Variants in EPHB1 observed in about 807,000 individuals in gnomAD.
EPHB1 encodes the protein EPH receptor B1.
A neutral mutation model predicts 94.4 loss-of-function variants in EPHB1; 30 were observed. That is an observed-to-expected ratio of 0.32 (90% confidence interval 0.24 to 0.43). EPHB1 has a LOEUF of 0.43. Ranked by LOEUF, EPHB1 falls within the 20% of genes least tolerant of loss-of-function variation. EPHB1 has a pLI of 1.00. For synonymous variants in EPHB1, 522 were observed against 489.1 expected, an observed-to-expected ratio of 1.07 and a Z score of -0.89; for missense variants, 1,055 against 1,308.3, an observed-to-expected ratio of 0.81 and a Z score of 2.99.
intron 1 of EPHB1, among the ~76,000 whole-genome samples, chr3:134,905,464 C>A (rs527687625): frequency 6.6e-6 from 1 of 152,248 alleles, no homozygotes; most frequent in Admixed American, 6.5e-5. Context: ...CCAGCATTGC[C>A]AACCAGGGGG....
intron 6 of EPHB1, 164 bp downstream of exon 6, chr3:135,154,440 A>C: frequency 1.0e-6 from 1 of 982,736 alleles, no homozygotes; most frequent in Non-Finnish European, 1.4e-6. Context: ...TGCCCTGACA[A>C]AGCCTTGTTC....
At chr3:134,989,503 A>ACACG (rs1934718110) in intron 3 of EPHB1, among the ~76,000 whole-genome samples, 1 of 151,582 alleles carries the variant, frequency 6.6e-6, no homozygotes, top group African/African-American at 2.4e-5. Context: ...GCGTGCACAC[A>ACACG]CACACACACA....
At chr3:134,993,256 C>T (rs1021622612) in intron 3 of EPHB1, among the ~76,000 whole-genome samples, 15 of 152,196 alleles carry the variant, frequency 9.9e-5, no homozygotes, top group Non-Finnish European at 1.9e-4. Flanking sequence ...TGATGTTAGA[C>T]GAGCAAGTCC....
chr3:134,992,145 T>C lies in EPHB1; in HGVS notation c.805+40093T>C, dbSNP rs543687810. ...AAGGTCACACTCTCAATGAGCTTAA[T>C]GTTGGGACCAAAAAGACAACACGGG... On this transcript the variant is annotated intron_variant, in intron 3 of 15. Transcript: ENST00000398015. 2.0e-5 allele frequency among the ~76,000 whole-genome samples: 3 copies of C among 152,296 alleles called. No homozygotes were observed. The South Asian group carries it at 6.2e-4, about 32-fold the overall frequency.
chr3:135,115,647 T>G (rs577144851), intron 4 of EPHB1, among the ~76,000 whole-genome samples: 1 of 152,284 alleles, frequency 6.6e-6, no homozygotes, highest in African/African-American at 2.4e-5. Context: ...GTAAGAGCCC[T>G]ACTGTGGAAT....
chr3:134,962,774 C>T (rs1335532861), intron 3 of EPHB1, among the ~76,000 whole-genome samples: 1 of 152,036 alleles, frequency 6.6e-6, no homozygotes, highest in African/African-American at 2.4e-5. Context: ...CTTCCTAGAT[C>T]GCCAGCCCTC....
At chr3:134,957,449 G>A (rs1413546333) in intron 3 of EPHB1, among the ~76,000 whole-genome samples, 1 of 152,170 alleles carries the variant, frequency 6.6e-6, no homozygotes, top group Non-Finnish European at 1.5e-5. Flanking sequence ...GGAGCAGGCT[G>A]GCAACTGGGT....
chr3:135,196,179 G>A (rs554353136), intron 11 of EPHB1, among the ~76,000 whole-genome samples: 3 of 151,934 alleles, frequency 2.0e-5, no homozygotes, highest in Non-Finnish European at 4.4e-5. Flanking sequence ...TTTTGATGGG[G>A]TTGTTTGTTT....
At chr3:135,063,202 G>GT (rs1299152366) in intron 3 of EPHB1, among the ~76,000 whole-genome samples, 1 of 152,050 alleles carries the variant, frequency 6.6e-6, no homozygotes, top group Non-Finnish European at 1.5e-5. Flanking sequence ...TTTTAGAATT[G>GT]TTTTTTCTAA....
At chr3:134,952,352 TTC>T (rs752162465) in intron 3 of EPHB1, among the ~76,000 whole-genome samples, 310 of 147,878 alleles carry the variant, frequency 2.1e-3, no homozygotes, top group African/African-American at 4.5e-3. Flanking sequence ...TCTCTCTCTC[TTC>T]TCTCTCTCTC....
intron 1 of EPHB1, among the ~76,000 whole-genome samples, chr3:134,864,949 C>T (rs553220118): frequency 6.6e-6 from 1 of 152,292 alleles, no homozygotes; most frequent in South Asian, 2.1e-4. Flanking sequence ...AACTGAGATG[C>T]TATGTGTGTC....
intron 3 of EPHB1, among the ~76,000 whole-genome samples, chr3:135,067,042 T>G (rs1937589314): frequency 6.6e-6 from 1 of 152,210 alleles, no homozygotes; most frequent in South Asian, 2.1e-4. Flanking sequence ...TGATGTGAAC[T>G]GTCCATGAGT....
intron 1 of EPHB1, among the ~76,000 whole-genome samples, chr3:134,859,037 A>G (rs7624092): frequency 0.55 from 83,279 of 152,108 alleles, 25,615 homozygotes; most frequent in East Asian, 0.8. Flanking sequence ...GACCAAGGGA[A>G]GCAGGAATTA....
chr3:135,065,615 A>G (rs376570878), intron 3 of EPHB1, among the ~76,000 whole-genome samples: 6 of 152,136 alleles, frequency 3.9e-5, no homozygotes, highest in Admixed American at 2.6e-4. Context: ...GGCAGCAGAT[A>G]GTTGGTTGTT....
chr3:135,121,878 G>A (rs1559839891), intron 4 of EPHB1, among the ~76,000 whole-genome samples: 1 of 152,022 alleles, frequency 6.6e-6, no homozygotes, highest in Non-Finnish European at 1.5e-5. Context: ...AGATGGAAAG[G>A]GACTCCCAGA....
chr3:135,228,126 C>CT (rs1347018054), intron 12 of EPHB1, among the ~76,000 whole-genome samples: 8 of 152,156 alleles, frequency 5.3e-5, no homozygotes, highest in Admixed American at 3.9e-4. Context: ...CTTTTTTAGC[C>CT]TTTTTTTCGC....
intron 12 of EPHB1, among the ~76,000 whole-genome samples, chr3:135,221,189 G>A (rs1473127578): frequency 6.6e-6 from 1 of 152,184 alleles, no homozygotes; most frequent in Non-Finnish European, 1.5e-5. Flanking sequence ...AAGGGGATGG[G>A]GAGTGGGTGG....
chr3:135,120,269 C>T (rs911778683), intron 4 of EPHB1, among the ~76,000 whole-genome samples: 4 of 152,146 alleles, frequency 2.6e-5, no homozygotes, highest in Admixed American at 6.5e-5. Context: ...TCTTCTTTTA[C>T]GTTCTTCGGT....
chr3:135,169,559 C>T (rs1941745790), intron 9 of EPHB1, among the ~76,000 whole-genome samples: 1 of 152,170 alleles, frequency 6.6e-6, no homozygotes, highest in Non-Finnish European at 1.5e-5. Flanking sequence ...AAAGCTATTA[C>T]TGTTGGAGAA....
Sources: allele counts gnomAD v4.1 joint callset (sites outside exome capture counted in the v4.1 genomes callset), GRCh38; gene constraint gnomAD v4.1.1; transcripts MANE v1.5; gene names NCBI Gene and HGNC (gene_info 2026-07-23, HGNC 2026-07-21).